The following WNK2 variants were observed in gnomAD, a reference collection of about 807,000 sequenced individuals.
The protein encoded by WNK2 is serine/threonine-protein kinase WNK2.
Under a neutral mutation model 192.1 loss-of-function variants are expected in WNK2, and 67 were observed. That is an observed-to-expected ratio of 0.35 (90% CI 0.29 to 0.43). The LOEUF (loss-of-function observed/expected upper bound fraction) is 0.43. Among genes scored for constraint, WNK2 ranks in the 20% least tolerant of loss-of-function variants. The pLI, the probability that WNK2 is intolerant of heterozygous loss-of-function variation, is 1.00. For synonymous variants in WNK2, 1,439 were observed against 1,393.9 expected, an observed-to-expected ratio of 1.03 and a Z score of -0.72; for missense variants, 2,698 against 3,089.7, an observed-to-expected ratio of 0.87 and a Z score of 3.01.
intron 2 of WNK2, among the ~76,000 whole-genome samples, chr9:93,198,218 C>T (rs1266320606): frequency 6.6e-6 from 1 of 152,216 alleles, no homozygotes; most frequent in South Asian, 2.1e-4. Flanking sequence ...TCGCCCAGCT[C>T]CCTCCTCCCT....
At chr9:93,295,339 C>G (rs1850081220) in intron 23 of WNK2, among the ~76,000 whole-genome samples, 1 of 152,176 alleles carries the variant, frequency 6.6e-6, no homozygotes, top group East Asian at 1.9e-4. Context: ...AAATAGTACT[C>G]CCTTCCAGAA....
chr9:93,268,703 GC>G lies in WNK2; in HGVS notation c.3995del (p.Pro1332HisfsTer4). 1 of 1,613,192 alleles carries G rather than the reference GC, an allele frequency of 6.2e-7. No homozygotes were observed. Among genetic ancestry groups the G allele is most frequent in the Non-Finnish European group, 8.5e-7 (1 of 1,179,770 alleles). On this transcript the variant is annotated frameshift_variant, in exon 19 of 30. Coordinates refer to ENST00000427277, the MANE Select transcript of WNK2 (RefSeq NM_006648.4). LOFTEE classifies it high-confidence loss of function. ...CCGCCCCCGAGGCCCCTGAATCTTC[GC>G]CCCCACTTCCTCTAAGCTCCCTGCC... ...HPAPEAPESS[P>X]PLPLSSLPPE...
At chr9:93,298,164 C>A in intron 24 of WNK2, 97 bp downstream of exon 24, 1 of 1,321,516 alleles carries the variant, frequency 7.6e-7, no homozygotes, top group Non-Finnish European at 1.0e-6. Flanking sequence ...ACCCTCGGAC[C>A]TGGAAGACCA....
intron 5 of WNK2, 98 bp from the exon 6 acceptor site, chr9:93,238,135 T>G: frequency 9.5e-7 from 1 of 1,050,386 alleles, no homozygotes; most frequent in Admixed American, 1.8e-5. Context: ...AGTGCCCGTG[T>G]CCTGCCGTGG....
chr9:93,239,666 C>T lies in WNK2; in HGVS notation c.1323-91C>T. 8.5e-7 allele frequency: 1 copy of T among 1,176,402 alleles called. No homozygotes were observed. The highest frequency in any genetic ancestry group is 2.6e-5 in the East Asian group (1 of 38,784). The allele number at this position is 1,176,402 out of a possible 1,614,324, so 72.9% of individuals were successfully genotyped here. On this transcript the variant is annotated intron_variant, in intron 6 of 29. Transcript: ENST00000427277. The surrounding 1 kb of genome is among the most constrained non-coding windows in gnomAD (Gnocchi z 4.2). ...CTGGCCTCAGGCTCCTGCAGGTGTG[C>T]CTGTCCTTGTCCTGGTGCGCATGGA...
rs911346081 is a variant in WNK2 at position 93,247,248 on chromosome 9, G to A, written c.1543-295G>A. Among the ~76,000 whole-genome samples the A allele has an allele frequency of 6.6e-6, 1 of 152,210 alleles. No individual in the cohort carries two copies. Among genetic ancestry groups the A allele is most frequent in the African/African-American group, 2.4e-5 (1 of 41,442 alleles). On this transcript the variant is annotated intron_variant, in intron 7 of 29. Transcript: ENST00000427277. The surrounding 1 kb of genome is among the most constrained non-coding windows in gnomAD (Gnocchi z 5.2). ...CCCGTCTGCCACCAGCCCCGGGGGC[G>A]CTGGGAGCTCAGGGAGCCCTTGGGT...
intron 16 of WNK2, 137 bp from the exon 17 acceptor site, chr9:93,267,609 C>A: frequency 9.7e-7 from 1 of 1,029,620 alleles, no homozygotes; most frequent in South Asian, 1.7e-5. Flanking sequence ...CTGTCCAGCC[C>A]CTGTCTTGGG....
chr9:93,259,471 C>T lies in WNK2; in HGVS notation c.2923C>T (p.Pro975Ser), dbSNP rs1843847084. ...QPVLPPQPTR[P>S]PQPVLPPQPM... ...TGTGTTGCCCCCGCAACCCACACGGCCCCCTCAACCTGTGCTGCCCCCGCA... is the reference window on the plus strand; with the variant it reads ...TGTGTTGCCCCCGCAACCCACACGGTCCCCTCAACCTGTGCTGCCCCCGCA... Residue 975 changes from proline (P) to serine (S), a missense_variant, in exon 12 of 30, where the codon CCC becomes TCC. Coordinates refer to ENST00000427277, the MANE Select transcript of WNK2 (RefSeq NM_006648.4). This position sits in a 1 kb window ranked among gnomAD's most constrained non-coding sequence, Gnocchi z 4.8. The T allele has an allele frequency of 6.8e-7, 1 of 1,473,168 alleles. No individual in the cohort carries two copies. Among genetic ancestry groups the T allele is most frequent in the Non-Finnish European group, 9.0e-7 (1 of 1,112,402 alleles). The allele number at this position is 1,473,168 out of a possible 1,614,324, so 91.3% of individuals were successfully genotyped here. A position where few individuals can be genotyped will look rare whatever the true frequency, so the allele number is the denominator to read the frequency against.
intron 28 of WNK2, chr9:93,316,718 G>A (rs1854731347): frequency 2.0e-5 from 3 of 152,360 alleles, no homozygotes; most frequent in African/African-American, 7.2e-5. Context: ...TCTCTGTCCA[G>A]TCTGTGCGGT....
chr9:93,249,568 G>C (rs1411235455), intron 8 of WNK2, among the ~76,000 whole-genome samples: 1 of 152,134 alleles, frequency 6.6e-6, no homozygotes, highest in African/African-American at 2.4e-5. Context: ...CCGCCTACCA[G>C]GTTCATGCCA....
Position 93,289,596 on chromosome 9 carries a change from G to C in WNK2, c.4842G>C (p.Gly1614=), listed in dbSNP as rs1848993554. 2 of 1,494,694 alleles carry C rather than the reference G, an allele frequency of 1.3e-6. No individual in the cohort carries two copies. The highest frequency in any genetic ancestry group is 4.4e-5 in the Admixed American group (2 of 45,570). The allele number at this position is 1,494,694 out of a possible 1,614,324, so 92.6% of individuals were successfully genotyped here. A position where few individuals can be genotyped will look rare whatever the true frequency, so the allele number is the denominator to read the frequency against. ...CAGTGCCTAAGGAGGCGGTCTCAGGGCGTGTCCAGCTGCCCCAGCCCTTGG... is the reference window on the plus strand; with the variant it reads ...CAGTGCCTAAGGAGGCGGTCTCAGGCCGTGTCCAGCTGCCCCAGCCCTTGG... ...LPPVPKEAVS[G]RVQLPQPLVE... is the part of the protein sequence containing the mutation. Residue 1614 remains glycine, a synonymous_variant, in exon 20 of 30, where the codon GGG becomes GGC. Transcript: ENST00000427277.
chr9:93,279,624 A>C (rs1847418458), intron 19 of WNK2, among the ~76,000 whole-genome samples: 1 of 152,210 alleles, frequency 6.6e-6, no homozygotes, highest in South Asian at 2.1e-4. Context: ...AAACAGAACT[A>C]AATCAGAGAA....
intron 7 of WNK2, 36 bp downstream of exon 7, chr9:93,240,012 G>T: frequency 1.3e-6 from 2 of 1,583,348 alleles, no homozygotes; most frequent in African/African-American, 1.3e-5. Flanking sequence ...GTGGGTGCAG[G>T]TGTTGGCAGC....
chr9:93,230,836 G>A (rs1468080922), intron 3 of WNK2, 52 bp from the exon 4 acceptor site: 1 of 1,545,472 alleles, frequency 6.5e-7, no homozygotes, highest in Non-Finnish European at 8.8e-7. Context: ...GCTTTGCTAG[G>A]GGGCCGCTGC....
rs563517450 is a variant in WNK2 at position 93,195,027 on chromosome 9, A to C, written c.681+9417A>C. On this transcript the variant is annotated intron_variant, in intron 2 of 29. Coordinates refer to ENST00000427277, the MANE Select transcript of WNK2 (RefSeq NM_006648.4). The stretch of plus-strand genomic sequence containing the variant: ...CGAGAAACCATGAAGACAGTTAAAA[A>C]AAAAAAAAAAGTTCAGTGGTTGCCA... 2.0e-5 allele frequency among the ~76,000 whole-genome samples: 3 copies of C among 152,262 alleles called. No individual in the cohort carries two copies. The South Asian group carries it at 6.2e-4, about 32-fold the overall frequency.
At chr9:93,268,767 C>T (rs745776570) in intron 19 of WNK2, 21 bp downstream of exon 19, 1 of 1,604,264 alleles carries the variant, frequency 6.2e-7, no homozygotes, top group East Asian at 2.3e-5. Flanking sequence ...CAGGCGCCCA[C>T]ACAAGCCCCT....
intron 17 of WNK2, 43 bp from the exon 18 acceptor site, chr9:93,267,977 C>G (rs909626671): frequency 6.2e-7 from 1 of 1,606,362 alleles, no homozygotes; most frequent in Non-Finnish European, 8.5e-7. Context: ...CAGGTGGGCG[C>G]TGCAGCTCAG....
chr9:93,313,375 T>C (rs191210321), intron 28 of WNK2, among the ~76,000 whole-genome samples: 82 of 152,082 alleles, frequency 5.4e-4, no homozygotes, highest in Middle Eastern at 6.8e-3. Flanking sequence ...GAATTTTTTT[T>C]TAACCGTATC....
intron 9 of WNK2, among the ~76,000 whole-genome samples, chr9:93,255,654 C>T (rs1022806971): frequency 6.6e-6 from 1 of 152,220 alleles, no homozygotes; most frequent in Non-Finnish European, 1.5e-5. Flanking sequence ...CTGCCTGCTC[C>T]TCACATTCTC....
Sources: allele counts gnomAD v4.1 joint callset (sites outside exome capture counted in the v4.1 genomes callset), GRCh38; gene constraint gnomAD v4.1.1; non-coding constraint Gnocchi (gnomAD v3.1); transcripts MANE v1.5; gene names NCBI Gene and HGNC (gene_info 2026-07-23, HGNC 2026-07-21).